KIF6: variants seen among roughly 807,000 people sequenced by gnomAD.
KIF6 encodes kinesin-like protein KIF6.
Under a neutral mutation model 112.7 loss-of-function variants are expected in KIF6, and 106 were observed. That is an observed-to-expected ratio of 0.94 (90% CI 0.80 to 1.11). KIF6 has a LOEUF of 1.11. Ranked by LOEUF, KIF6 falls within the 50% of genes least tolerant of loss-of-function variation. The pLI, the probability that KIF6 is intolerant of heterozygous loss-of-function variation, is 0.00. For missense variants in KIF6, 929 were observed against 964.0 expected (o/e 0.96, Z 0.48); for synonymous variants, 339 against 339.9 (o/e 1.00, Z 0.03).
chr6:39,607,922 T>C (rs2150709509), intron 6 of KIF6, among the ~76,000 whole-genome samples: 1 of 152,278 alleles, frequency 6.6e-6, no homozygotes, highest in Non-Finnish European at 1.5e-5. Context: ...GAAACCAAAA[T>C]CCTCTTGTTT....
intron 13 of KIF6, among the ~76,000 whole-genome samples, chr6:39,471,915 A>G (rs892419670): frequency 6.6e-6 from 1 of 152,210 alleles, no homozygotes; most frequent in Non-Finnish European, 1.5e-5. Flanking sequence ...AAATGAAGCC[A>G]TTGATGTTGC....
rs1214545310 is a variant in KIF6, at chr6:39,360,458, T to C, written c.2019A>G (p.Lys673=). 1 of 1,614,214 alleles carries C rather than the reference T, an allele frequency of 6.2e-7. No individual in the cohort carries two copies. The highest frequency in any genetic ancestry group is 2.2e-5 in the East Asian group (1 of 44,882). Residue 673 remains lysine (K), a synonymous_variant, in exon 18 of 23, where the codon AAA becomes AAG. Coordinates refer to ENST00000287152, the MANE Select transcript of KIF6 (RefSeq NM_145027.6). ...ACTCTTTCTGTAGCTTCACCTTGGC[T>C]TTGTCCATGAGCAGCTGCAAGTGCT... ...EIEHLQLLMD[K]AKVKLQKEFE... is the part of the protein sequence containing the mutation.
chr6:39,538,768 A>G (rs78883640), intron 13 of KIF6, among the ~76,000 whole-genome samples: 42,269 of 142,404 alleles, frequency 0.3, 8,158 homozygotes, highest in African/African-American at 0.55. Context: ...ACATGCACAC[A>G]TATGTTTATT....
intron 7 of KIF6, among the ~76,000 whole-genome samples, chr6:39,595,159 C>G (rs1032453378): frequency 1.3e-5 from 2 of 152,168 alleles, no homozygotes; most frequent in Non-Finnish European, 2.9e-5. Flanking sequence ...TAAATGAAGT[C>G]TCCCCAAACA....
chr6:39,606,601 T>C (rs9394619), intron 6 of KIF6, among the ~76,000 whole-genome samples: 16,950 of 152,148 alleles, frequency 0.11, 1,749 homozygotes, highest in East Asian at 0.29. Context: ...GCATAAACTT[T>C]CCTCAATATT....
chr6:39,425,594 C>A (rs1415517036), intron 14 of KIF6, among the ~76,000 whole-genome samples: 2 of 152,082 alleles, frequency 1.3e-5, no homozygotes, highest in Non-Finnish European at 2.9e-5. Context: ...TCTTCTCCAG[C>A]CATTTTCTTG....
intron 6 of KIF6, among the ~76,000 whole-genome samples, chr6:39,601,314 T>C (rs1380907355): frequency 6.6e-6 from 1 of 152,090 alleles, no homozygotes; most frequent in African/African-American, 2.4e-5. Context: ...GTTACTGTAG[T>C]CTCTCCCTTC....
At chr6:39,574,703 T>C (rs1414571489) in intron 10 of KIF6, among the ~76,000 whole-genome samples, 7 of 152,140 alleles carry the variant, frequency 4.6e-5, no homozygotes, top group Non-Finnish European at 1.0e-4. Flanking sequence ...TTCTAGGAAA[T>C]TCTGAGATAT....
intron 13 of KIF6, among the ~76,000 whole-genome samples, chr6:39,532,463 T>A (rs938276157): frequency 6.6e-6 from 1 of 152,148 alleles, no homozygotes; most frequent in Non-Finnish European, 1.5e-5. Flanking sequence ...GGCCCCCTTT[T>A]CCCAACCAGC....
chr6:39,346,085 T>TCTCTCCC (rs1212794740), intron 20 of KIF6, among the ~76,000 whole-genome samples: 1 of 21,606 alleles, frequency 4.6e-5, no homozygotes, highest in Non-Finnish European at 8.0e-5. Flanking sequence ...TCTCTCTCTC[T>TCTCTCCC]CCCCCCCCTC....
chr6:39,544,493 C>A (rs1778962668), intron 12 of KIF6, 62 bp downstream of exon 12: 2 of 1,528,518 alleles, frequency 1.3e-6, no homozygotes, highest in East Asian at 2.4e-5. Context: ...TCAGGAAAGA[C>A]TGCTGTTTAC....
chr6:39,492,368 T>C (rs1775526324), intron 13 of KIF6, among the ~76,000 whole-genome samples: 1 of 152,212 alleles, frequency 6.6e-6, no homozygotes, highest in Admixed American at 6.5e-5. Context: ...CAGTTTGGGC[T>C]AAAGGAACAG....
chr6:39,719,083 C>G (rs1025012452), intron 2 of KIF6, among the ~76,000 whole-genome samples: 7 of 152,162 alleles, frequency 4.6e-5, no homozygotes, highest in African/African-American at 1.7e-4. Context: ...CTTTGAGAGG[C>G]CGAGGCAGGT....
At chr6:39,630,573 A>T (rs1351608102) in intron 5 of KIF6, among the ~76,000 whole-genome samples, 1 of 152,026 alleles carries the variant, frequency 6.6e-6, no homozygotes, top group Admixed American at 6.6e-5. Context: ...GAATTCCAGG[A>T]ATTTGTCAAT....
Position 39,332,748 on chromosome 6 carries a change from C to T in KIF6, c.*3784G>A, listed in dbSNP as rs1265299999. Reference sequence around the variant, plus strand: ...AGTTAGCTGAAGACTCAAGGGTAACCCTCTGAAGATCTCCAGAGCATGCTC... The same window carrying T: ...AGTTAGCTGAAGACTCAAGGGTAACTCTCTGAAGATCTCCAGAGCATGCTC... On this transcript the variant is annotated 3_prime_UTR_variant, in exon 23 of 23. Coordinates refer to ENST00000287152, the MANE Select transcript of KIF6 (RefSeq NM_145027.6). 4 of 152,170 alleles carry T rather than the reference C, an allele frequency of 2.6e-5. No individual in the cohort carries two copies. Among genetic ancestry groups the T allele is most frequent in the Non-Finnish European group, 5.9e-5 (4 of 68,048 alleles). 9.4% of individuals were successfully genotyped at this position (152,170 alleles called of 1,614,324 possible).
chr6:39,578,969 T>C (rs1004010596), intron 9 of KIF6, among the ~76,000 whole-genome samples: 1 of 152,242 alleles, frequency 6.6e-6, no homozygotes, highest in Admixed American at 6.5e-5. Context: ...TAAAGGAATA[T>C]ATCAGAATCT....
intron 10 of KIF6, among the ~76,000 whole-genome samples, chr6:39,561,612 C>T (rs1582138657): frequency 6.6e-6 from 1 of 152,196 alleles, no homozygotes; most frequent in African/African-American, 2.4e-5. Flanking sequence ...CCTGCCTTGG[C>T]TCCCAAAGTG....
chr6:39,431,279 A>G (rs1167145753), intron 13 of KIF6, 118 bp from the exon 14 acceptor site: 17 of 631,258 alleles, frequency 2.7e-5, no homozygotes, highest in Non-Finnish European at 1.7e-5. Flanking sequence ...CAGCAGAGAG[A>G]CTCTGACCAG....
chr6:39,609,297 C>G (rs1173791761), intron 6 of KIF6, among the ~76,000 whole-genome samples: 5 of 152,148 alleles, frequency 3.3e-5, no homozygotes, highest in African/African-American at 1.2e-4. Context: ...CGGACTTTCC[C>G]AAAGTCGGCA....
Sources: gnomAD v4.1 joint callset for allele counts (sites outside exome capture counted in the v4.1 genomes callset) on GRCh38, gnomAD v4.1.1 for gene constraint, MANE v1.5 for transcripts, NCBI Gene and HGNC (gene_info 2026-07-23, HGNC 2026-07-21) for gene names.